The following SMARCAD1 variants were observed in gnomAD, a reference collection of about 807,000 sequenced individuals.
SMARCAD1 encodes the protein SNF2 related chromatin remodeling ATPase with DExD box 1, also known as SWI/SNF-related matrix-associated actin-dependent regulator of chromatin subfamily A containing DEAD/H box 1.
In SMARCAD1, 25 loss-of-function variants were observed where a neutral mutation model predicts 127.1. The ratio of observed to expected loss-of-function variants is 0.20; its 90% confidence interval spans 0.14 to 0.27. The LOEUF (loss-of-function observed/expected upper bound fraction) is 0.27. Among genes scored for constraint, SMARCAD1 ranks in the 10% least tolerant of loss-of-function variants. The pLI is 1.00. For missense variants in SMARCAD1, 807 were observed against 1,206.0 expected (o/e 0.67, Z 4.90); for synonymous variants, 400 against 396.9 (o/e 1.01, Z -0.09).
chr4:94,283,445 T>C, intron 22 of SMARCAD1, 142 bp downstream of exon 22: 2 of 737,338 alleles, frequency 2.7e-6, no homozygotes, highest in Non-Finnish European at 4.7e-6. Context: ...ATACCAGCAG[T>C]GTTGAACATC....
chr4:94,285,796 TTAAGAG>T (rs1560572795), intron 23 of SMARCAD1, among the ~76,000 whole-genome samples: 1 of 152,096 alleles, frequency 6.6e-6, no homozygotes, highest in South Asian at 2.1e-4. Context: ...ACTGAGATCT[TTAAGAG>T]TAAGGATAAG....
At chr4:94,209,019 G>A (rs997479225) in intron 2 of SMARCAD1, among the ~76,000 whole-genome samples, 2 of 152,168 alleles carry the variant, frequency 1.3e-5, no homozygotes, top group Non-Finnish European at 2.9e-5. Context: ...GTACACAAGG[G>A]AAGATCAGAT....
At chr4:94,271,598 T>C (rs892298661) in intron 11 of SMARCAD1, among the ~76,000 whole-genome samples, 7 of 152,236 alleles carry the variant, frequency 4.6e-5, no homozygotes, top group Non-Finnish European at 8.8e-5. Context: ...TTGTAAGATA[T>C]TTTCCCATAT....
chr4:94,253,447 A>G (rs559820492), intron 9 of SMARCAD1: 2 of 1,190,024 alleles, frequency 1.7e-6, no homozygotes, highest in Admixed American at 7.6e-5. Context: ...TCCATGATTC[A>G]AAATGCCAGC....
chr4:94,281,408 C>T, intron 20 of SMARCAD1, 64 bp from the exon 21 acceptor site: 1 of 1,082,984 alleles, frequency 9.2e-7, no homozygotes, highest in Non-Finnish European at 1.4e-6. Context: ...CTGTTTAAAC[C>T]TGTCAAGGCT....
At position 94,278,416 on chromosome 4, in the gene SMARCAD1, G is replaced by A; in HGVS notation, c.2083-6G>A. ...TCCTAAAAGGATATGTTTTTATTTT[G>A]CTCAGAAATCAGCAGATGAGCAAAG... is the stretch of plus-strand genomic sequence containing the variant. On this transcript the variant is annotated splice_polypyrimidine_tract_variant and splice_region_variant and intron_variant, in intron 16 of 23. Transcript: ENST00000354268. The A allele has an allele frequency of 6.2e-7, 1 of 1,608,166 alleles. No individual in the cohort carries two copies. The highest frequency in any genetic ancestry group is 1.3e-5 in the African/African-American group (1 of 74,870).
chr4:94,275,034 T>C, intron 14 of SMARCAD1, 69 bp downstream of exon 14: 1 of 1,042,016 alleles, frequency 9.6e-7, no homozygotes, highest in Non-Finnish European at 1.5e-6. Flanking sequence ...GAAATTGTAG[T>C]AGTACTATGT....
rs190349410 is a variant in SMARCAD1, at chr4:94,264,626, G to C, written c.1282-81G>C. On this transcript the variant is annotated intron_variant, in intron 9 of 23. Transcript: ENST00000354268. The stretch of plus-strand genomic sequence containing the variant: ...AGTAAAAGTTTAAATTAGCAAACTT[G>C]TTTTCCTCATAAAGAAATCAGGATT... 87 of 1,268,032 alleles carry C rather than the reference G, an allele frequency of 6.9e-5. No individual in the cohort carries two copies. In the African/African-American group the frequency reaches 1.1e-3, roughly 15 times the overall value. 78.5% of individuals were successfully genotyped at this position (1,268,032 alleles called of 1,614,324 possible).
intron 9 of SMARCAD1, among the ~76,000 whole-genome samples, chr4:94,256,332 C>A (rs1288306156): frequency 6.6e-6 from 1 of 151,962 alleles, no homozygotes; most frequent in African/African-American, 2.4e-5. Context: ...TTACTCTCAT[C>A]TACTAGACTG....
At chr4:94,265,133 G>A (rs1293554368) in intron 10 of SMARCAD1, among the ~76,000 whole-genome samples, 2 of 151,812 alleles carry the variant, frequency 1.3e-5, no homozygotes, top group Non-Finnish European at 2.9e-5. Context: ...TAAAGGGGGG[G>A]ATGGTATGAT....
chr4:94,226,951 A>T (rs1236601990), intron 3 of SMARCAD1, among the ~76,000 whole-genome samples: 1 of 151,556 alleles, frequency 6.6e-6, no homozygotes, highest in Non-Finnish European at 1.5e-5. Flanking sequence ...CAGTCCTGCC[A>T]TCTCAGCCTC....
Position 94,277,186 on chromosome 4 carries a change from A to G in SMARCAD1, c.2082+27A>G, listed in dbSNP as rs748491250. On this transcript the variant is annotated intron_variant, in intron 16 of 23. Coordinates refer to ENST00000354268, the MANE Select transcript of SMARCAD1 (RefSeq NM_020159.5). ...TAAGCATAAATGCATATTTTCTCCC[A>G]AATATGTTATTTGTGTTTTATCTGG... 1.6e-5 allele frequency: 25 copies of G among 1,612,654 alleles called. No homozygotes were observed. The South Asian group carries it at 2.4e-4, about 16-fold the overall frequency.
intron 2 of SMARCAD1, among the ~76,000 whole-genome samples, chr4:94,213,845 G>C (rs925647420): frequency 6.6e-6 from 1 of 152,162 alleles, no homozygotes; most frequent in Admixed American, 6.6e-5. Flanking sequence ...CAAGGTAGTA[G>C]ATGGTTGAAT....
chr4:94,276,255 A>ATT, intron 14 of SMARCAD1, 84 bp from the exon 15 acceptor site: 1 of 1,466,612 alleles, frequency 6.8e-7, no homozygotes, highest in Non-Finnish European at 9.5e-7. Flanking sequence ...GTAAATAAAA[A>ATT]ATGATTTTAT....
chr4:94,268,295 A>G (rs1318372727), intron 10 of SMARCAD1, among the ~76,000 whole-genome samples: 3 of 152,130 alleles, frequency 2.0e-5, no homozygotes, highest in Non-Finnish European at 4.4e-5. Flanking sequence ...TTGATGTTAT[A>G]GTGAGTATTT....
At position 94,291,205 on chromosome 4, in the gene SMARCAD1, A is replaced by G. The variant is rs1304184221; in HGVS notation, c.*1671A>G. On this transcript the variant is annotated 3_prime_UTR_variant, in exon 24 of 24. Transcript: ENST00000354268. ...TGTTATTGTTGTTGTTGTTATATCCATACTTTTATCTCTAATGAAATGTAG... is the reference window on the plus strand; with the variant it reads ...TGTTATTGTTGTTGTTGTTATATCCGTACTTTTATCTCTAATGAAATGTAG... 6.6e-6 allele frequency: 3 copies of G among 453,938 alleles called. No individual in the cohort carries two copies. The highest frequency in any genetic ancestry group is 1.3e-5 in the Non-Finnish European group (3 of 226,740). The allele number at this position is 453,938 out of a possible 1,614,324, so 28.1% of individuals were successfully genotyped here. A position where few individuals can be genotyped will look rare whatever the true frequency, so the allele number is the denominator to read the frequency against.
At chr4:94,219,959 C>T (rs1031903307) in intron 2 of SMARCAD1, among the ~76,000 whole-genome samples, 8 of 152,204 alleles carry the variant, frequency 5.3e-5, no homozygotes, top group African/African-American at 1.4e-4. Context: ...GATGTCTTTT[C>T]TTTATAACTG....
chr4:94,208,717 C>G, intron 2 of SMARCAD1, 133 bp downstream of exon 2: 1 of 882,512 alleles, frequency 1.1e-6, no homozygotes, highest in African/African-American at 1.7e-5. Context: ...CTTTTAAATA[C>G]AGCTTTGGGA....
At chr4:94,245,546 A>G (rs1440137884) in intron 6 of SMARCAD1, among the ~76,000 whole-genome samples, 1 of 152,228 alleles carries the variant, frequency 6.6e-6, no homozygotes, top group African/African-American at 2.4e-5. Flanking sequence ...TACAGCAGAC[A>G]TAACACAAGG....
Sources: allele counts gnomAD v4.1 joint callset (sites outside exome capture counted in the v4.1 genomes callset), GRCh38; gene constraint gnomAD v4.1.1; transcripts MANE v1.5; gene names NCBI Gene and HGNC (gene_info 2026-07-23, HGNC 2026-07-21).